Variants in SLC9A3 observed in about 807,000 individuals in gnomAD.
The protein encoded by SLC9A3 is solute carrier family 9 member A3.
SLC9A3 carries 37 observed loss-of-function variants against 86.8 expected under a neutral mutation model. The observed-to-expected ratio is 0.43, with a 90% CI of 0.33 to 0.56. The LOEUF is 0.56. SLC9A3 is among the 20% of genes least tolerant of loss of function. The probability of loss-of-function intolerance (pLI) is 0.06; values close to 1 mark genes in which losing one functional copy is unlikely to be tolerated. For missense variants in SLC9A3, 1,011 were observed against 1,171.9 expected (o/e 0.86, Z 2.00); for synonymous variants, 581 against 528.3 (o/e 1.10, Z -1.37).
Position 484,705 on chromosome 5 carries a change from G to T in SLC9A3, c.755-8C>A. ...TCACCACGAAGAAGGACACTGGGTAGAGGACGCCCTTTGTGGCCGTGCCGG... is the reference window on the plus strand; with the variant it reads ...TCACCACGAAGAAGGACACTGGGTATAGGACGCCCTTTGTGGCCGTGCCGG... On this transcript the variant is annotated splice_region_variant and splice_polypyrimidine_tract_variant and intron_variant, in intron 4 of 16. Transcript: ENST00000264938. 1 of 1,611,752 alleles carries T rather than the reference G, an allele frequency of 6.2e-7. No homozygotes were observed. The highest frequency in any genetic ancestry group is 8.5e-7 in the Non-Finnish European group (1 of 1,179,022).
At chr5:514,215 T>C (rs1013224247) in intron 1 of SLC9A3, among the ~76,000 whole-genome samples, 2 of 152,278 alleles carry the variant, frequency 1.3e-5, no homozygotes, top group Admixed American at 1.3e-4. Flanking sequence ...GGCGCTCACA[T>C]GGGCGAGCCC....
At chr5:481,693 G>T in intron 8 of SLC9A3, 58 bp from the exon 9 acceptor site, 2 of 1,400,940 alleles carry the variant, frequency 1.4e-6, no homozygotes, top group Non-Finnish European at 1.0e-6. Context: ...AACATGAGGT[G>T]CCCCTCCACT....
At chr5:492,101 G>C in intron 1 of SLC9A3, 30 bp from the exon 2 acceptor site, 1 of 1,390,638 alleles carries the variant, frequency 7.2e-7, no homozygotes, top group Non-Finnish European at 9.5e-7. Flanking sequence ...GGTCAGGGCC[G>C]GGCTGTGAGG....
intron 10 of SLC9A3, 86 bp from the exon 11 acceptor site, chr5:477,530 A>G: frequency 1.1e-6 from 1 of 879,174 alleles, no homozygotes. Flanking sequence ...AAGCGCCCAG[A>G]GCTCGGGGCC....
In SLC9A3 at chr5:473,144, C is replaced by CGGCCCCCCCCCGGCGCA; in HGVS notation, c.*234_*235insTGCGCCGGGGGGGGGCC. On this transcript the variant is annotated 3_prime_UTR_variant, in exon 17 of 17. Transcript: ENST00000264938. Reference sequence around the variant, plus strand: ...GCGCACTCGGCAGCCCTCGGCGCTCCGGCCCCGCCCCCGGCGCAGGCCCCG... The same window carrying CGGCCCCCCCCCGGCGCA: ...GCGCACTCGGCAGCCCTCGGCGCTCCGGCCCCCCCCCGGCGCAGGCCCCGCCCCCGGCGCAGGCCCCG... 4.1e-6 allele frequency: 1 copy of CGGCCCCCCCCCGGCGCA among 244,166 alleles called. No individual in the cohort carries two copies. Among genetic ancestry groups the CGGCCCCCCCCCGGCGCA allele is most frequent in the African/African-American group, 2.4e-5 (1 of 42,056 alleles). 15.1% of individuals were successfully genotyped at this position (244,166 alleles called of 1,614,324 possible). A position where few individuals can be genotyped will look rare whatever the true frequency, so the allele number is the denominator to read the frequency against.
chr5:476,233 T>A lies in SLC9A3; in HGVS notation c.2036A>T (p.Lys679Met). 6.2e-7 allele frequency: 1 copy of A among 1,613,924 alleles called. No homozygotes were observed. The highest frequency in any genetic ancestry group is 8.5e-7 in the Non-Finnish European group (1 of 1,179,978). ...CTGGGCACGCTCCCGCTTGTACAGC[T>A]TGGCCGCCTTCTTGTTCTGGTTGAG... ...LGLNQNKKAA[K>M]LYKRERAQKR... Residue 679 changes from lysine (K) to methionine (M), a missense_variant, in exon 13 of 17, where the codon AAG (lysine) becomes ATG (methionine). Around this residue, in one of 3 missense-constraint regions of SLC9A3, gnomAD observed 397 missense variants for 346.3 expected, o/e 1.15. Transcript: ENST00000264938.
Position 497,457 on chromosome 5 carries a change from C to T in SLC9A3, c.212-5386G>A, listed in dbSNP as rs912483857. On this transcript the variant is annotated intron_variant, in intron 1 of 16. Coordinates refer to ENST00000264938, the MANE Select transcript of SLC9A3 (RefSeq NM_004174.4). The surrounding 1 kb of genome is among the most constrained non-coding windows in gnomAD (Gnocchi z 5.4). ...CCTGTGTCTGAGCCTGTCTGGGCACCGGGACTGCTGTGAAGGACACAGTCA... is the reference window on the plus strand; with the variant it reads ...CCTGTGTCTGAGCCTGTCTGGGCACTGGGACTGCTGTGAAGGACACAGTCA... Among the ~76,000 whole-genome samples the T allele has an allele frequency of 3.3e-5, 5 of 152,144 alleles. No individual in the cohort carries two copies. Among genetic ancestry groups the T allele is most frequent in the Admixed American group, 6.5e-5 (1 of 15,276 alleles).
Position 472,806 on chromosome 5 carries a change from C to T in SLC9A3, c.*573G>A, listed in dbSNP as rs1738442015. ...CGCTCGGGAGGTCCCTGAGTCGGTC[C>T]CCGAGTCAGTCCCCGGGCGCGGGGC... On this transcript the variant is annotated 3_prime_UTR_variant, in exon 17 of 17. Coordinates refer to ENST00000264938, the MANE Select transcript of SLC9A3 (RefSeq NM_004174.4). 3.5e-6 allele frequency: 2 copies of T among 572,416 alleles called. No individual in the cohort carries two copies. Among genetic ancestry groups the T allele is most frequent in the Admixed American group, 2.2e-5 (1 of 45,182 alleles). 35.5% of individuals were successfully genotyped at this position (572,416 alleles called of 1,614,324 possible). A position where few individuals can be genotyped will look rare whatever the true frequency, so the allele number is the denominator to read the frequency against.
At chr5:482,215 C>G in intron 7 of SLC9A3, 58 bp from the exon 8 acceptor site, 1 of 1,346,142 alleles carries the variant, frequency 7.4e-7, no homozygotes, top group Non-Finnish European at 1.1e-6. Context: ...CCCGCTGGCC[C>G]GGCCAGGTGC....
At chr5:487,901 C>T (rs1396842597) in intron 3 of SLC9A3, among the ~76,000 whole-genome samples, 1 of 152,196 alleles carries the variant, frequency 6.6e-6, no homozygotes, top group African/African-American at 2.4e-5. Context: ...CTGCTGACCT[C>T]AGGTGATCCA....
intron 5 of SLC9A3, among the ~76,000 whole-genome samples, chr5:483,787 G>A (rs187479224): frequency 0.01 from 1,567 of 152,382 alleles, 15 homozygotes; most frequent in Non-Finnish European, 0.016. Context: ...ACTGCTGTCG[G>A]CCCACAGACA....
intron 1 of SLC9A3, among the ~76,000 whole-genome samples, chr5:498,247 C>T (rs1740119212): frequency 2.0e-5 from 3 of 152,068 alleles, no homozygotes; most frequent in African/African-American, 7.2e-5. Context: ...CCCCGTTCCA[C>T]TTCCCACCCT....
chr5:480,042 T>C, intron 9 of SLC9A3, 77 bp from the exon 10 acceptor site: 2 of 1,529,934 alleles, frequency 1.3e-6, no homozygotes, highest in African/African-American at 1.4e-5. Context: ...CCCGGCCCCT[T>C]CTCTCCTGAA....
At chr5:477,728 A>G in intron 10 of SLC9A3, 1 of 377,914 alleles carries the variant, frequency 2.6e-6, no homozygotes, top group Non-Finnish European at 4.8e-6. Flanking sequence ...TGAAGGGGTA[A>G]AGCTGCCTGG....
At chr5:522,633 C>G (rs1019656330) in intron 1 of SLC9A3, among the ~76,000 whole-genome samples, 2 of 151,214 alleles carry the variant, frequency 1.3e-5, no homozygotes, top group Non-Finnish European at 2.9e-5. Flanking sequence ...TGGCTCATGC[C>G]TGTAATCCCA....
chr5:491,632 T>G lies in SLC9A3; in HGVS notation c.514+137A>C. 1 of 750,746 alleles carries G rather than the reference T, an allele frequency of 1.3e-6. No individual in the cohort carries two copies. The highest frequency in any genetic ancestry group is 2.1e-6 in the Non-Finnish European group (1 of 483,298). 46.5% of individuals were successfully genotyped at this position (750,746 alleles called of 1,614,324 possible). A position where few individuals can be genotyped will look rare whatever the true frequency, so the allele number is the denominator to read the frequency against. ...CCTTGGTCACGAGGGCCTACGGGGCTGCCAGCCACGTTTCTCACCTGACAC... is the reference window on the plus strand; with the variant it reads ...CCTTGGTCACGAGGGCCTACGGGGCGGCCAGCCACGTTTCTCACCTGACAC... On this transcript the variant is annotated intron_variant, in intron 2 of 16. Transcript: ENST00000264938. The surrounding 1 kb of genome is among the most constrained non-coding windows in gnomAD (Gnocchi z 9.2).
At chr5:490,236 CA>C (rs375479776) in intron 2 of SLC9A3, among the ~76,000 whole-genome samples, 14 of 152,374 alleles carry the variant, frequency 9.2e-5, no homozygotes, top group African/African-American at 3.4e-4. Flanking sequence ...CGGCCTGCCC[CA>C]GGGGGCACAG....
At chr5:482,298 C>G in intron 7 of SLC9A3, 141 bp from the exon 8 acceptor site, 1 of 711,184 alleles carries the variant, frequency 1.4e-6, no homozygotes, top group Non-Finnish European at 2.4e-6. Context: ...AACCCGCGCC[C>G]CTGCTTTGCA....
intron 1 of SLC9A3, among the ~76,000 whole-genome samples, chr5:516,552 G>A (rs1344584709): frequency 1.3e-5 from 2 of 152,232 alleles, no homozygotes; most frequent in African/African-American, 2.4e-5. Flanking sequence ...CCGAGGTCTG[G>A]CAACATCAGG....
Sources: gnomAD v4.1 joint callset for allele counts (sites outside exome capture counted in the v4.1 genomes callset) on GRCh38, gnomAD v4.1.1 for gene constraint, gnomAD v4.1.1 regional missense constraint, Gnocchi (gnomAD v3.1) non-coding constraint, MANE v1.5 for transcripts, NCBI Gene and HGNC (gene_info 2026-07-23, HGNC 2026-07-21) for gene names.